ACER2: variants seen among roughly 807,000 people sequenced by gnomAD.
ACER2 encodes alkaline ceramidase 2, also known as alkCDase 2.
Under a neutral mutation model 34.7 loss-of-function variants are expected in ACER2, and 26 were observed. That is an observed-to-expected ratio of 0.75 (90% CI 0.55 to 1.04). The LOEUF (loss-of-function observed/expected upper bound fraction) is 1.04. Ranked by LOEUF, ACER2 falls within the 50% of genes least tolerant of loss-of-function variation. The pLI is 0.00. For missense variants in ACER2, 352 were observed against 340.8 expected (o/e 1.03, Z -0.26); for synonymous variants, 138 against 132.1 (o/e 1.04, Z -0.31).
At chr9:19,423,594 A>T (rs1222895570) in intron 1 of ACER2, among the ~76,000 whole-genome samples, 1 of 152,160 alleles carries the variant, frequency 6.6e-6, no homozygotes, top group African/African-American at 2.4e-5. Flanking sequence ...CCAGCTACTC[A>T]GGAGGCTGAG....
At chr9:19,430,874 C>G (rs1428299920) in intron 3 of ACER2, among the ~76,000 whole-genome samples, 1 of 152,104 alleles carries the variant, frequency 6.6e-6, no homozygotes, top group African/African-American at 2.4e-5. Flanking sequence ...AGGAGAATCG[C>G]TTGAACCCAG....
At chr9:19,433,756 C>G (rs1415204092) in intron 3 of ACER2, among the ~76,000 whole-genome samples, 6 of 151,976 alleles carry the variant, frequency 3.9e-5, no homozygotes, top group Admixed American at 6.5e-5. Flanking sequence ...CCTCACCTCC[C>G]GGATGGGGCG....
chr9:19,444,163 AAAAAAG>A (rs1216579636), intron 4 of ACER2, among the ~76,000 whole-genome samples: 2 of 150,780 alleles, frequency 1.3e-5, no homozygotes, highest in Non-Finnish European at 3.0e-5. Flanking sequence ...CTAAAAAAAA[AAAAAAG>A]AAAAGAAAAA....
At chr9:19,441,737 G>A (rs1318035634) in intron 4 of ACER2, among the ~76,000 whole-genome samples, 2 of 152,038 alleles carry the variant, frequency 1.3e-5, no homozygotes, top group African/African-American at 2.4e-5. Context: ...AGGCAGGGAC[G>A]GGGTCTCTTT....
rs190132687 is a variant in ACER2, at chr9:19,433,299, C to T, written c.366-1648C>T. 1.3e-3 allele frequency among the ~76,000 whole-genome samples: 193 copies of T among 151,878 alleles called. 1 individual carries two copies. Among genetic ancestry groups the T allele is most frequent in the African/African-American group, 4.1e-3 (171 of 41,390 alleles). Reference sequence around the variant, plus strand: ...TGGTTTTCCTAGGCAGAGGACCCTGCGGCCTTCCGCAGCGTTTGGGTCCCT... The same window carrying T: ...TGGTTTTCCTAGGCAGAGGACCCTGTGGCCTTCCGCAGCGTTTGGGTCCCT... On this transcript the variant is annotated intron_variant, in intron 3 of 5. Coordinates refer to ENST00000340967, the MANE Select transcript of ACER2 (RefSeq NM_001010887.3).
chr9:19,409,567 G>A (rs1408510220), intron 1 of ACER2, among the ~76,000 whole-genome samples: 3 of 152,028 alleles, frequency 2.0e-5, no homozygotes, highest in Admixed American at 1.3e-4. Flanking sequence ...TCTCTGTGGC[G>A]TGACGCACTT....
intron 1 of ACER2, among the ~76,000 whole-genome samples, chr9:19,411,664 C>G (rs1830091647): frequency 6.6e-6 from 1 of 152,150 alleles, no homozygotes; most frequent in South Asian, 2.1e-4. Flanking sequence ...GTCTTAAATC[C>G]TCATAATAAG....
Position 19,423,891 on chromosome 9 carries a change from G to A in ACER2, c.138G>A (p.Pro46=), listed in dbSNP as rs1315644354. Residue 46 remains proline, a synonymous_variant, in exon 2 of 6, where the codon CCG becomes CCA. Coordinates refer to ENST00000340967, the MANE Select transcript of ACER2 (RefSeq NM_001010887.3). ...TISNVLFFIL[P]PICMCLFRQY... ...GCAATGTCTTATTTTTCATTTTACCGCCCATCTGCATGTGCTTGTTTCGTC... is the reference window on the plus strand; with the variant it reads ...GCAATGTCTTATTTTTCATTTTACCACCCATCTGCATGTGCTTGTTTCGTC... The A allele has an allele frequency of 1.2e-5, 19 of 1,613,362 alleles. No individual in the cohort carries two copies. The highest frequency in any genetic ancestry group is 1.3e-5 in the African/African-American group (1 of 74,766).
chr9:19,448,128 C>A (rs980703294), intron 5 of ACER2, among the ~76,000 whole-genome samples: 20 of 151,728 alleles, frequency 1.3e-4, no homozygotes, highest in African/African-American at 4.8e-4. Flanking sequence ...CCACCTCACC[C>A]CCTGCAGGGA....
chr9:19,430,973 A>C (rs1193533523), intron 3 of ACER2, among the ~76,000 whole-genome samples: 1 of 151,602 alleles, frequency 6.6e-6, no homozygotes, highest in East Asian at 1.9e-4. Context: ...AAACAAAAAA[A>C]CAAAAAACCC....
chr9:19,426,542 G>T (rs768298581), intron 3 of ACER2, among the ~76,000 whole-genome samples: 1 of 152,066 alleles, frequency 6.6e-6, no homozygotes, highest in East Asian at 1.9e-4. Context: ...TATTTTTCAA[G>T]TCTGAGTAAG....
intron 3 of ACER2, among the ~76,000 whole-genome samples, chr9:19,433,882 C>T (rs1350307589): frequency 4.6e-5 from 7 of 151,650 alleles, no homozygotes; most frequent in African/African-American, 1.7e-4. Flanking sequence ...CCCTCACCTC[C>T]CGGACGGGGC....
intron 1 of ACER2, among the ~76,000 whole-genome samples, chr9:19,419,491 C>T (rs1030788894): frequency 1.3e-5 from 2 of 152,132 alleles, no homozygotes; most frequent in African/African-American, 2.4e-5. Context: ...AAAGGCTGAG[C>T]ATGGGAGCTC....
chr9:19,412,890 C>T (rs923447393), intron 1 of ACER2, among the ~76,000 whole-genome samples: 134 of 152,180 alleles, frequency 8.8e-4, no homozygotes, highest in African/African-American at 3.2e-3. Flanking sequence ...TATTGATGGA[C>T]ATTTCATATA....
chr9:19,410,599 A>G (rs972848242), intron 1 of ACER2, among the ~76,000 whole-genome samples: 1 of 152,162 alleles, frequency 6.6e-6, no homozygotes, highest in African/African-American at 2.4e-5. Flanking sequence ...CGTCCCAGCT[A>G]CTTGGGAAGC....
chr9:19,428,776 G>GTTTTTTTTT, intron 3 of ACER2, among the ~76,000 whole-genome samples: 1 of 77,892 alleles, frequency 1.3e-5, no homozygotes, highest in Non-Finnish European at 2.3e-5. Context: ...GGACAAGTGG[G>GTTTTTTTTT]TTTTTTTTTT....
At chr9:19,410,266 C>T (rs565400677) in intron 1 of ACER2, among the ~76,000 whole-genome samples, 15 of 152,322 alleles carry the variant, frequency 9.8e-5, no homozygotes, top group Admixed American at 5.2e-4. Flanking sequence ...AAACTGGGCT[C>T]TTGAGGAGGG....
At chr9:19,428,169 T>C (rs1466426601) in intron 3 of ACER2, among the ~76,000 whole-genome samples, 1 of 151,814 alleles carries the variant, frequency 6.6e-6, no homozygotes, top group Non-Finnish European at 1.5e-5. Context: ...TGTTTCATTT[T>C]GTTTTTTCTT....
chr9:19,443,448 G>A (rs1381256186), intron 4 of ACER2, among the ~76,000 whole-genome samples: 2 of 152,242 alleles, frequency 1.3e-5, no homozygotes, highest in African/African-American at 4.8e-5. Context: ...TTACAGGCAT[G>A]AGCCACCGTG....
Sources: allele counts gnomAD v4.1 joint callset (sites outside exome capture counted in the v4.1 genomes callset), GRCh38; gene constraint gnomAD v4.1.1; transcripts MANE v1.5; gene names NCBI Gene and HGNC (gene_info 2026-07-23, HGNC 2026-07-21).